ANKHD1: variants seen among roughly 807,000 people sequenced by gnomAD.
ANKHD1 encodes the protein ankyrin repeat and KH domain-containing protein 1.
ANKHD1 carries 31 observed loss-of-function variants against 230.5 expected under a neutral mutation model. The ratio of observed to expected loss-of-function variants is 0.13; its 90% confidence interval spans 0.10 to 0.18. The LOEUF (loss-of-function observed/expected upper bound fraction) is 0.18, where lower values mean the gene tolerates loss of function less well. Among genes scored for constraint, ANKHD1 ranks in the 10% least tolerant of loss-of-function variants. The pLI is 1.00. For synonymous variants in ANKHD1, 1,074 were observed against 1,117.6 expected, an observed-to-expected ratio of 0.96 and a Z score of 0.78; for missense variants, 2,256 against 3,071.3, an observed-to-expected ratio of 0.73 and a Z score of 6.27.
intron 1 of ANKHD1, among the ~76,000 whole-genome samples, chr5:140,428,141 C>T (rs1214749861): frequency 6.6e-6 from 1 of 151,136 alleles, no homozygotes; most frequent in Non-Finnish European, 1.5e-5. Flanking sequence ...AGACGCTCCT[C>T]ACTTTCCAGA....
At position 140,402,193 on chromosome 5, in the gene ANKHD1, G is replaced by T. The variant is rs918280276; in HGVS notation, c.226G>T (p.Asp76Tyr). 6.5e-7 allele frequency: 1 copy of T among 1,526,920 alleles called. No individual in the cohort carries two copies. The highest frequency in any genetic ancestry group is 8.8e-7 in the Non-Finnish European group (1 of 1,141,778). 94.6% of individuals were successfully genotyped at this position (1,526,920 alleles called of 1,614,324 possible). The change falls in exon 1 of 34, where the codon GAT (aspartate) becomes TAT (tyrosine). Residue 76 changes from aspartate to tyrosine, a missense_variant. By Grantham distance (160) the Asp-to-Tyr change is radical. Around this residue, in one of 13 missense-constraint regions of ANKHD1, gnomAD observed 193 missense variants for 185.8 expected, o/e 1.04. Transcript: ENST00000360839. ...SGTGGGDAAL[D>Y]FKLAAAVLRT... ...TACGGGCGGAGGGGACGCGGCGCTGGATTTCAAGTTGGCGGCTGCCGTGCT... is the reference window on the plus strand; with the variant it reads ...TACGGGCGGAGGGGACGCGGCGCTGTATTTCAAGTTGGCGGCTGCCGTGCT...
chr5:140,478,679 T>G (rs1476249112), intron 10 of ANKHD1, among the ~76,000 whole-genome samples: 1 of 152,142 alleles, frequency 6.6e-6, no homozygotes, highest in East Asian at 1.9e-4. Flanking sequence ...AATTTCGCTC[T>G]TGTTGCCCAG....
At chr5:140,446,257 T>C (rs945203121) in intron 6 of ANKHD1, among the ~76,000 whole-genome samples, 7 of 152,326 alleles carry the variant, frequency 4.6e-5, no homozygotes, top group Admixed American at 3.3e-4. Context: ...TTAATAACTT[T>C]TGTTTTATAT....
In ANKHD1 at chr5:140,507,772, T is replaced by C. The variant is rs777973081; in HGVS notation, c.3552-13T>C. 5 of 1,611,244 alleles carry C rather than the reference T, an allele frequency of 3.1e-6. No homozygotes were observed. In the East Asian group the frequency reaches 8.9e-5, roughly 29 times the overall value. Reference sequence around the variant, plus strand: ...ATATTATTTTAATTTTCTAAGCACATTTCCCCCTTTAGGACTGGGAGTAAA... The same window carrying C: ...ATATTATTTTAATTTTCTAAGCACACTTCCCCCTTTAGGACTGGGAGTAAA... On this transcript the variant is annotated splice_polypyrimidine_tract_variant and intron_variant, in intron 19 of 33. Coordinates refer to ENST00000360839, the MANE Select transcript of ANKHD1 (RefSeq NM_017747.3). This position sits in a 1 kb window ranked among gnomAD's most constrained non-coding sequence, Gnocchi z 4.1.
At chr5:140,514,813 G>A (rs949855104) in intron 24 of ANKHD1, among the ~76,000 whole-genome samples, 1 of 151,830 alleles carries the variant, frequency 6.6e-6, no homozygotes, top group East Asian at 1.9e-4. Flanking sequence ...TCTACTAAAA[G>A]TTTAAAAAAT....
chr5:140,455,833 C>T (rs991442081), intron 7 of ANKHD1, among the ~76,000 whole-genome samples: 8 of 152,204 alleles, frequency 5.3e-5, no homozygotes, highest in Non-Finnish European at 7.3e-5. Flanking sequence ...CTCACCACTC[C>T]TATTCAACAT....
At chr5:140,445,199 G>A (rs1400482519) in intron 5 of ANKHD1, among the ~76,000 whole-genome samples, 1 of 150,310 alleles carries the variant, frequency 6.7e-6, no homozygotes, top group Non-Finnish European at 1.5e-5. Context: ...GCCGGGCGTG[G>A]TATAATTGGC....
chr5:140,451,783 C>T (rs565017841), intron 7 of ANKHD1, among the ~76,000 whole-genome samples: 31 of 152,280 alleles, frequency 2.0e-4, no homozygotes, highest in African/African-American at 7.2e-4. Flanking sequence ...GCTGGGGTTA[C>T]AGCTGTGAGC....
intron 9 of ANKHD1, among the ~76,000 whole-genome samples, chr5:140,463,889 A>C (rs1581288946): frequency 6.6e-6 from 1 of 150,450 alleles, no homozygotes; most frequent in Non-Finnish European, 1.5e-5. Context: ...CTGGTCTCAA[A>C]CTCCTGTGCT....
At chr5:140,518,814 C>T (rs1007410923) in intron 24 of ANKHD1, among the ~76,000 whole-genome samples, 2 of 152,102 alleles carry the variant, frequency 1.3e-5, no homozygotes, top group Non-Finnish European at 2.9e-5. Context: ...CTATGACAAC[C>T]CCACAGCCAA....
intron 24 of ANKHD1, 95 bp downstream of exon 24, chr5:140,513,574 C>T: frequency 8.0e-7 from 1 of 1,243,660 alleles, no homozygotes; most frequent in Non-Finnish European, 1.1e-6. Flanking sequence ...TTCAGAAGGC[C>T]AAGGCGGGTG....
intron 1 of ANKHD1, among the ~76,000 whole-genome samples, chr5:140,429,070 G>A (rs949125247): frequency 2.2e-4 from 33 of 149,814 alleles, no homozygotes; most frequent in Non-Finnish European, 3.1e-4. Context: ...ACAGGCATAA[G>A]CTACCATGCC....
rs1581351122 is a variant in ANKHD1 at position 140,507,109 on chromosome 5, C to T, written c.3551+132C>T. The T allele has an allele frequency of 3.1e-6, 4 of 1,293,242 alleles. No homozygotes were observed. The East Asian group carries it at 9.7e-5, about 31-fold the overall frequency. 80.1% of individuals were successfully genotyped at this position (1,293,242 alleles called of 1,614,324 possible). Reference sequence around the variant, plus strand: ...AAAGTTGCAAAGCCAACGATTATACCTATAATGTGTTTGTTTATAAGTAAT... The same window carrying T: ...AAAGTTGCAAAGCCAACGATTATACTTATAATGTGTTTGTTTATAAGTAAT... On this transcript the variant is annotated intron_variant, in intron 19 of 33. Transcript: ENST00000360839. This position sits in a 1 kb window ranked among gnomAD's most constrained non-coding sequence, Gnocchi z 4.1.
intron 24 of ANKHD1, among the ~76,000 whole-genome samples, 156 bp downstream of exon 24, chr5:140,513,635 C>T (rs184101627): frequency 6.6e-6 from 1 of 152,072 alleles, no homozygotes; most frequent in African/African-American, 2.4e-5. Flanking sequence ...AAGGTGAAAC[C>T]CTGTCTCTAC....
In ANKHD1 at chr5:140,507,042, T is replaced by A; in HGVS notation, c.3551+65T>A. On this transcript the variant is annotated intron_variant, in intron 19 of 33. Transcript: ENST00000360839. The surrounding 1 kb of genome is among the most constrained non-coding windows in gnomAD (Gnocchi z 4.1). ...ACTACTTTGGACTTAAATGTCTACCTCTTAACGTTTAGACAGATACATTTT... is the reference window on the plus strand; with the variant it reads ...ACTACTTTGGACTTAAATGTCTACCACTTAACGTTTAGACAGATACATTTT... 1 of 1,583,446 alleles carries A rather than the reference T, an allele frequency of 6.3e-7. No homozygotes were observed. Among genetic ancestry groups the A allele is most frequent in the Non-Finnish European group, 8.6e-7 (1 of 1,168,152 alleles).
intron 1 of ANKHD1, among the ~76,000 whole-genome samples, chr5:140,408,751 C>T (rs190588760): frequency 1.3e-5 from 2 of 152,236 alleles, no homozygotes; most frequent in East Asian, 3.9e-4. Context: ...CCCAGGCTGG[C>T]TGTTGCCCTG....
At position 140,512,905 on chromosome 5, in the gene ANKHD1, A is replaced by C. The variant is rs1381217227; in HGVS notation, c.4182A>C (p.Ile1394=). The change falls in exon 23 of 34, where the codon ATA becomes ATC. Residue 1394 remains isoleucine (I), a synonymous_variant. Transcript: ENST00000360839. ...FPSDIECMRY[I]ATITDKELLK... is the part of the protein sequence containing the mutation. ...CTGATATAGAATGCATGAGATACAT[A>C]GCAACAATTACAGATAAGGTAAGTT... 6.3e-7 allele frequency: 1 copy of C among 1,596,090 alleles called. No individual in the cohort carries two copies. Among genetic ancestry groups the C allele is most frequent in the East Asian group, 2.3e-5 (1 of 44,016 alleles).
chr5:140,526,843 G>A (rs973006595), intron 26 of ANKHD1, 85 bp from the exon 27 acceptor site: 90 of 1,454,024 alleles, frequency 6.2e-5, no homozygotes, highest in Non-Finnish European at 7.6e-5. Context: ...ATATTTCAGC[G>A]TAACTCTGGC....
At chr5:140,459,043 A>G in intron 8 of ANKHD1, 121 bp from the exon 9 acceptor site, 1 of 559,220 alleles carries the variant, frequency 1.8e-6, no homozygotes, top group Non-Finnish European at 2.4e-6. Flanking sequence ...ATTGATGATA[A>G]ATTACCCTGG....
Sources: gnomAD v4.1 joint callset for allele counts (sites outside exome capture counted in the v4.1 genomes callset) on GRCh38, gnomAD v4.1.1 for gene constraint, gnomAD v4.1.1 regional missense constraint, Gnocchi (gnomAD v3.1) non-coding constraint, MANE v1.5 for transcripts, NCBI Gene and HGNC (gene_info 2026-07-23, HGNC 2026-07-21) for gene names.